Variants in FRMD4B observed in about 807,000 individuals in gnomAD.
FRMD4B encodes the protein FERM domain-containing protein 4B.
Under a neutral mutation model 141.5 loss-of-function variants are expected in FRMD4B, and 74 were observed. The ratio of observed to expected loss-of-function variants is 0.52; its 90% CI spans 0.43 to 0.63. FRMD4B has a LOEUF of 0.63. Ranked by LOEUF, FRMD4B falls within the 30% of genes least tolerant of loss-of-function variation. The probability of loss-of-function intolerance (pLI) is 0.00; values close to 1 mark genes in which losing one functional copy is unlikely to be tolerated. For missense variants in FRMD4B, 1,366 were observed against 1,253.4 expected (o/e 1.09, Z -1.36); for synonymous variants, 506 against 467.9 (o/e 1.08, Z -1.05).
intron 9 of FRMD4B, among the ~76,000 whole-genome samples, chr3:69,219,016 T>C (rs887756911): frequency 6.6e-6 from 1 of 151,802 alleles, no homozygotes; most frequent in Non-Finnish European, 1.5e-5. Context: ...TACAAAAAAA[T>C]TAGCTGGGTG....
intron 2 of FRMD4B, among the ~76,000 whole-genome samples, chr3:69,312,218 T>A (rs4855387): frequency 0.26 from 39,586 of 152,042 alleles, 5,723 homozygotes; most frequent in East Asian, 0.38. Flanking sequence ...TTGGAGGGAC[T>A]GGGGAAGAAA....
chr3:69,365,098 CTA>C (rs1703599817), intron 1 of FRMD4B, among the ~76,000 whole-genome samples: 1 of 152,216 alleles, frequency 6.6e-6, no homozygotes, highest in Admixed American at 6.5e-5. Context: ...GTGTGAACAT[CTA>C]TCTTTATGGC....
At chr3:69,507,704 T>C (rs765472119) in intron 1 of FRMD4B, among the ~76,000 whole-genome samples, 1 of 152,150 alleles carries the variant, frequency 6.6e-6, no homozygotes, top group Non-Finnish European at 1.5e-5. Flanking sequence ...CATCATAACA[T>C]AATATGATTC....
chr3:69,463,750 T>G (rs1260227384), intron 1 of FRMD4B, among the ~76,000 whole-genome samples: 2 of 152,178 alleles, frequency 1.3e-5, no homozygotes, highest in Non-Finnish European at 2.9e-5. Flanking sequence ...TTAGTAACCA[T>G]GACTCTACGG....
rs187666580 is a variant in FRMD4B, at chr3:69,176,602, G to A, written c.2906C>T (p.Ser969Leu). ...AGAATGTGCTGGAGTCTCGTAATCC[G>A]ACAGCCCTATGGTTAACTGGGTCCT... ...NWRTQLTIGLSDYETPAHSSY... is the reference protein window; with the variant it reads ...NWRTQLTIGLLDYETPAHSSY... Residue 969 changes from serine (S) to leucine (L), a missense_variant, in exon 22 of 23, where the codon TCG becomes TTG. Transcript: ENST00000398540. 7.5e-6 allele frequency: 12 copies of A among 1,605,146 alleles called. No homozygotes were observed. Among genetic ancestry groups the A allele is most frequent in the African/African-American group, 2.7e-5 (2 of 74,754 alleles).
At chr3:69,351,753 GC>G (rs1470833260) in intron 1 of FRMD4B, among the ~76,000 whole-genome samples, 1 of 152,206 alleles carries the variant, frequency 6.6e-6, no homozygotes, top group Non-Finnish European at 1.5e-5. Flanking sequence ...GCTGTGCCCT[GC>G]CCCTAACGGG....
At chr3:69,454,860 T>C (rs62252291) in intron 1 of FRMD4B, among the ~76,000 whole-genome samples, 48,186 of 152,154 alleles carry the variant, frequency 0.32, 7,742 homozygotes, top group East Asian at 0.53. Flanking sequence ...GGCCCCTGCG[T>C]GGGATCCACT....
At chr3:69,234,238 C>T in intron 7 of FRMD4B, among the ~76,000 whole-genome samples, 1 of 145,052 alleles carries the variant, frequency 6.9e-6, no homozygotes. Flanking sequence ...GAGTGAGACC[C>T]TGTCTCAAAA....
chr3:69,215,284 CTTTTTTTTTTTTT>C lies in FRMD4B; in HGVS notation c.876+966_876+978del, dbSNP rs577275162. ...TCCAAATCTGATAGATTGTGACCCT[CTTTTTTTTTTTTT>C]TTTTTTTTTTTTTGAGATGGAGTCT... is the stretch of plus-strand genomic sequence containing the variant. On this transcript the variant is annotated intron_variant, in intron 11 of 22. Coordinates refer to ENST00000398540, the MANE Select transcript of FRMD4B (RefSeq NM_015123.3). Among the ~76,000 whole-genome samples the C allele has an allele frequency of 1.8e-4, 8 of 45,224 alleles. 1 individual carries two copies. The highest frequency in any genetic ancestry group is 2.1e-3 in the South Asian group (2 of 934). The allele number at this position is 45,224 out of a possible 152,430, so 29.7% of individuals were successfully genotyped here. A position where few individuals can be genotyped will look rare whatever the true frequency, so the allele number is the denominator to read the frequency against.
intron 5 of FRMD4B, among the ~76,000 whole-genome samples, chr3:69,263,395 A>G (rs1315647696): frequency 2.3e-5 from 2 of 87,128 alleles, no homozygotes; most frequent in East Asian, 7.2e-4. Flanking sequence ...AGTTACATGC[A>G]CTTTTTTTTT....
In FRMD4B at chr3:69,463,425, G is replaced by A. The variant is rs546500385; in HGVS notation, c.-128-30664C>T. 4.3e-4 allele frequency among the ~76,000 whole-genome samples: 65 copies of A among 152,290 alleles called. 1 individual carries two copies. The highest frequency in any genetic ancestry group is 3.4e-3 in the Middle Eastern group (1 of 294). ...CATACCATATACCACTTCCAGGGTAGACCAAAATAATTACAAATATTGGTA... is the reference window on the plus strand; with the variant it reads ...CATACCATATACCACTTCCAGGGTAAACCAAAATAATTACAAATATTGGTA... On this transcript the variant is annotated intron_variant, in intron 1 of 5. Coordinates refer to the FRMD4B transcript ENST00000459638.
At chr3:69,312,541 C>A (rs1040255193) in intron 2 of FRMD4B, among the ~76,000 whole-genome samples, 4 of 152,166 alleles carry the variant, frequency 2.6e-5, no homozygotes. Context: ...GGGACTTTCA[C>A]AATTTTTAAA....
At chr3:69,256,278 C>T (rs1235511215) in intron 5 of FRMD4B, among the ~76,000 whole-genome samples, 1 of 152,150 alleles carries the variant, frequency 6.6e-6, no homozygotes, top group East Asian at 1.9e-4. Context: ...GATAGATCTA[C>T]ATGGAGGTAG....
intron 5 of FRMD4B, among the ~76,000 whole-genome samples, chr3:69,269,320 A>G (rs1350732112): frequency 6.6e-6 from 1 of 151,806 alleles, no homozygotes; most frequent in Non-Finnish European, 1.5e-5. Context: ...AGTGCTTATT[A>G]TCTGTTCCAA....
intron 1 of FRMD4B, chr3:69,472,329 C>T (rs1705906456): frequency 4.3e-6 from 2 of 470,494 alleles, no homozygotes; most frequent in African/African-American, 2.0e-5. Context: ...ATTACAGATG[C>T]AACTCCCTGG....
chr3:69,240,163 T>A (rs186273865), intron 7 of FRMD4B, among the ~76,000 whole-genome samples: 1 of 151,928 alleles, frequency 6.6e-6, no homozygotes, highest in Non-Finnish European at 1.5e-5. Flanking sequence ...TACTACAATT[T>A]AAAAAAATTT....
chr3:69,196,706 T>C (rs2092909256), intron 13 of FRMD4B, 194 bp downstream of exon 13: 1 of 590,166 alleles, frequency 1.7e-6, no homozygotes, highest in Non-Finnish European at 2.9e-6. Context: ...TTGGCCAGTC[T>C]TACAACTTTT....
At chr3:69,419,235 A>G (rs1704927379) in intron 2 of FRMD4B, among the ~76,000 whole-genome samples, 1 of 152,338 alleles carries the variant, frequency 6.6e-6, no homozygotes, top group South Asian at 2.1e-4. Flanking sequence ...GCAAGTATGA[A>G]TGAATAAATT....
At chr3:69,484,384 A>G (rs1706179982) in intron 1 of FRMD4B, among the ~76,000 whole-genome samples, 1 of 152,152 alleles carries the variant, frequency 6.6e-6, no homozygotes, top group Admixed American at 6.5e-5. Context: ...CTATTGTTAC[A>G]AGATCTTTGG....
Sources: allele counts gnomAD v4.1 joint callset (sites outside exome capture counted in the v4.1 genomes callset), GRCh38; gene constraint gnomAD v4.1.1; transcripts MANE v1.5; gene names NCBI Gene and HGNC (gene_info 2026-07-23, HGNC 2026-07-21).